Variants in CAGE1 observed in about 807,000 individuals in gnomAD.
CAGE1 encodes the protein cancer antigen 1.
A neutral mutation model predicts 94.9 loss-of-function variants in CAGE1; 66 were observed. That is an observed-to-expected ratio of 0.70 (90% CI 0.57 to 0.85). The LOEUF (loss-of-function observed/expected upper bound fraction) is 0.85. CAGE1 is among the 40% of genes least tolerant of loss of function. The pLI is 0.00. For synonymous variants in CAGE1, 319 were observed against 321.0 expected, an observed-to-expected ratio of 0.99 and a Z score of 0.07; for missense variants, 865 against 950.4, an observed-to-expected ratio of 0.91 and a Z score of 1.18.
chr6:7,358,024 T>TGA (rs1261184477), intron 9 of CAGE1, among the ~76,000 whole-genome samples: 72 of 48,870 alleles, frequency 1.5e-3, no homozygotes, highest in South Asian at 5.2e-3. Flanking sequence ...AGGTAAGTTT[T>TGA]GAGATATATA....
rs780744095 is a variant in CAGE1 at position 7,373,313 on chromosome 6, T to C, written c.1506A>G (p.Arg502=). ...QKLEKENLEE[R]QKLKSRLEKL... is the part of the protein sequence containing the mutation. ...TCTCAAGTCTAGATTTCAGTTTCTGTCTTTCTTCCAGGTTTTCCTTTTCAA... is the reference window on the plus strand; with the variant it reads ...TCTCAAGTCTAGATTTCAGTTTCTGCCTTTCTTCCAGGTTTTCCTTTTCAA... The change falls in exon 5 of 14, where the codon AGA becomes AGG. Residue 502 remains arginine, a synonymous_variant. Coordinates refer to ENST00000502583, the MANE Select transcript of CAGE1 (RefSeq NM_001170692.2). The C allele has an allele frequency of 6.2e-7, 1 of 1,608,370 alleles. No homozygotes were observed.
chr6:7,358,535 C>A (rs1760059427), intron 9 of CAGE1, among the ~76,000 whole-genome samples: 1 of 152,066 alleles, frequency 6.6e-6, no homozygotes, highest in South Asian at 2.1e-4. Flanking sequence ...GCTTTCATTT[C>A]TCTTGGGTAA....
chr6:7,351,872 G>A (rs1012471578), intron 11 of CAGE1, among the ~76,000 whole-genome samples: 11 of 152,048 alleles, frequency 7.2e-5, no homozygotes, highest in Admixed American at 3.9e-4. Flanking sequence ...GGCATACAAG[G>A]GACATACCTC....
At chr6:7,341,527 G>T in intron 11 of CAGE1, 1 of 1,229,100 alleles carries the variant, frequency 8.1e-7, no homozygotes, top group Non-Finnish European at 1.2e-6. Context: ...AAGATTCTGA[G>T]GGTTGATTAG....
In CAGE1 at chr6:7,373,806, T is replaced by C. The variant is rs1308266901; in HGVS notation, c.1013A>G (p.Lys338Arg). 2.5e-6 allele frequency: 4 copies of C among 1,613,904 alleles called. No individual in the cohort carries two copies. The South Asian group carries it at 4.4e-5, about 18-fold the overall frequency. The change falls in exon 5 of 14, where the codon AAA (lysine) becomes AGA (arginine). Residue 338 changes from lysine to arginine, a missense_variant. Physicochemically the swap from Lys to Arg is conservative, Grantham distance 26. Transcript: ENST00000502583. The stretch of plus-strand genomic sequence containing the variant: ...TTTGGTAATCTTCATCTGTAGTTCT[T>C]TAACCCTCTTCTCTAAATACAGGTT... ...CSNLYLEKRV[K>R]ELQMKITKQQ...
At chr6:7,358,657 A>G (rs1400736105) in intron 9 of CAGE1, among the ~76,000 whole-genome samples, 3 of 152,164 alleles carry the variant, frequency 2.0e-5, no homozygotes, top group African/African-American at 7.2e-5. Flanking sequence ...CTTAGGCAAC[A>G]TAGCAAGACT....
chr6:7,386,306 T>C (rs573197852), intron 2 of CAGE1, among the ~76,000 whole-genome samples: 1 of 152,368 alleles, frequency 6.6e-6, no homozygotes, highest in African/African-American at 2.4e-5. Flanking sequence ...TGGAATCAGA[T>C]GTCACTGACT....
intron 11 of CAGE1, among the ~76,000 whole-genome samples, chr6:7,345,861 C>T (rs999862474): frequency 6.6e-6 from 1 of 152,010 alleles, no homozygotes; most frequent in African/African-American, 2.4e-5. Context: ...GGAGGAGAAG[C>T]TTGCAGTGAG....
intron 11 of CAGE1, among the ~76,000 whole-genome samples, chr6:7,336,467 TATA>T (rs1268400345): frequency 6.6e-6 from 1 of 151,994 alleles, no homozygotes; most frequent in African/African-American, 2.4e-5. Flanking sequence ...CTGAATGGAG[TATA>T]ATGAGTGCTT....
chr6:7,369,469 T>C (rs1042196991), intron 6 of CAGE1, among the ~76,000 whole-genome samples: 2 of 152,208 alleles, frequency 1.3e-5, no homozygotes, highest in African/African-American at 4.8e-5. Flanking sequence ...TCTGAACTCA[T>C]CTGACAGCAA....
At chr6:7,365,634 A>G (rs1304317578) in intron 8 of CAGE1, 59 bp from the exon 9 acceptor site, 3 of 1,522,694 alleles carry the variant, frequency 2.0e-6, no homozygotes, top group Non-Finnish European at 1.8e-6. Flanking sequence ...GGAATACCTG[A>G]CAATAAATAC....
At chr6:7,385,940 C>T (rs562497634) in intron 2 of CAGE1, 68 bp from the exon 3 acceptor site, 3 of 783,484 alleles carry the variant, frequency 3.8e-6, no homozygotes, top group South Asian at 1.8e-5. Flanking sequence ...GGTATTTGCA[C>T]ATTGTTACAT....
chr6:7,348,227 A>G (rs1177575013), intron 11 of CAGE1, among the ~76,000 whole-genome samples: 1 of 152,178 alleles, frequency 6.6e-6, no homozygotes, highest in Non-Finnish European at 1.5e-5. Context: ...GCTGATATCC[A>G]TAGACAGTTC....
intron 2 of CAGE1, among the ~76,000 whole-genome samples, chr6:7,386,178 T>C (rs1275618189): frequency 6.6e-6 from 1 of 151,470 alleles, no homozygotes; most frequent in Non-Finnish European, 1.5e-5. Flanking sequence ...TTGATAATTA[T>C]TTGATGTTTA....
rs201271974 is a variant in CAGE1, at chr6:7,370,004, T to C, written c.1808A>G (p.Asn603Ser). ...PDCSPCEERL[N>S]PADIKRASQL... The stretch of plus-strand genomic sequence containing the variant: ...AGAAGCTCTTTTTATATCTGCAGGA[T>C]TCAGCCTCTCTTCACAAGGTGAGCA... The change falls in exon 6 of 14, where the codon AAT becomes AGT. Residue 603 changes from asparagine (N) to serine (S), a missense_variant. By Grantham distance (46) the Asn-to-Ser change is conservative (BLOSUM62 1). Transcript: ENST00000502583. 6.2e-7 allele frequency: 1 copy of C among 1,613,840 alleles called. No individual in the cohort carries two copies. Among genetic ancestry groups the C allele is most frequent in the African/African-American group, 1.3e-5 (1 of 75,044 alleles).
intron 13 of CAGE1, chr6:7,329,277 A>G: frequency 2.6e-6 from 1 of 386,076 alleles, no homozygotes; most frequent in East Asian, 3.7e-5. Flanking sequence ...CTAAAAAGAA[A>G]AGAAAAAAAA....
At chr6:7,354,993 G>T in intron 11 of CAGE1, 48 bp downstream of exon 11, 1 of 1,271,116 alleles carries the variant, frequency 7.9e-7, no homozygotes, top group Non-Finnish European at 1.1e-6. Context: ...CAGAGAATAA[G>T]GTATTAGTAA....
intron 2 of CAGE1, 56 bp downstream of exon 2, chr6:7,386,923 G>A: frequency 8.6e-7 from 1 of 1,156,928 alleles, no homozygotes; most frequent in Non-Finnish European, 1.2e-6. Context: ...TCATATGGAA[G>A]ACAATGTGAA....
At chr6:7,326,970 C>T in intron 13 of CAGE1, 71 bp from the exon 14 acceptor site, 1 of 1,154,388 alleles carries the variant, frequency 8.7e-7, no homozygotes, top group Non-Finnish European at 1.3e-6. Context: ...AACCCCTAAA[C>T]AGCCAATTTT....
Sources: allele counts gnomAD v4.1 joint callset (sites outside exome capture counted in the v4.1 genomes callset), GRCh38; gene constraint gnomAD v4.1.1; transcripts MANE v1.5; gene names NCBI Gene and HGNC (gene_info 2026-07-23, HGNC 2026-07-21).